The following USP12 variants were observed in gnomAD, a reference collection of about 807,000 sequenced individuals.
USP12 encodes ubiquitin carboxyl-terminal hydrolase 12.
Under a neutral mutation model 45.5 loss-of-function variants are expected in USP12, and 19 were observed. The ratio of observed to expected loss-of-function variants is 0.42; its 90% CI spans 0.29 to 0.61. The LOEUF (loss-of-function observed/expected upper bound fraction) is 0.61. Among genes scored for constraint, USP12 ranks in the 20% least tolerant of loss-of-function variants. The probability of loss-of-function intolerance (pLI) is 0.22; values close to 1 mark genes in which losing one functional copy is unlikely to be tolerated. For synonymous variants in USP12, 149 were observed against 148.8 expected (o/e 1.00, Z -0.01); for missense variants, 242 against 447.7 (o/e 0.54, Z 4.15).
At chr13:27,095,060 T>C (rs1429401591) in intron 4 of USP12, among the ~76,000 whole-genome samples, 1 of 152,074 alleles carries the variant, frequency 6.6e-6, no homozygotes, top group Non-Finnish European at 1.5e-5. Flanking sequence ...GAGGCTTAGA[T>C]GGAAGGATTG....
intron 6 of USP12, among the ~76,000 whole-genome samples, chr13:27,086,682 G>A (rs552495064): frequency 6.6e-6 from 1 of 151,998 alleles, no homozygotes; most frequent in Non-Finnish European, 1.5e-5. Flanking sequence ...GGTGGCTTTT[G>A]CTCACAGATG....
At chr13:27,077,650 G>C (rs1400395749) in intron 6 of USP12, 2 of 152,074 alleles carry the variant, frequency 1.3e-5, no homozygotes, top group Non-Finnish European at 2.9e-5. Context: ...AAGATGATGA[G>C]AGACTAGCTT....
In USP12 at chr13:27,171,664, A is replaced by G. The variant is rs752169848; in HGVS notation, c.-25T>C. 8.1e-7 allele frequency: 1 copy of G among 1,236,774 alleles called. No homozygotes were observed. The highest frequency in any genetic ancestry group is 1.1e-6 in the Non-Finnish European group (1 of 951,682). The allele number at this position is 1,236,774 out of a possible 1,614,324, so 76.6% of individuals were successfully genotyped here. A position where few individuals can be genotyped will look rare whatever the true frequency, so the allele number is the denominator to read the frequency against. ...TCCGGCCAGCGCCATCTTCCACCCAATCACAGCGGCGGCGGCGGGCGGGGG... is the reference window on the plus strand; with the variant it reads ...TCCGGCCAGCGCCATCTTCCACCCAGTCACAGCGGCGGCGGCGGGCGGGGG... On this transcript the variant is annotated 5_prime_UTR_variant, in exon 1 of 9. Transcript: ENST00000282344.
At position 27,129,963 on chromosome 13, in the gene USP12, A is replaced by G. The variant is rs1383589767; in HGVS notation, c.49-13367T>C. ...GTTAGTCCTTCCACCAAAACCATTA[A>G]GCTGAAAAATACATCAGAATCAACT... On this transcript the variant is annotated intron_variant, in intron 1 of 8. Coordinates refer to ENST00000282344, the MANE Select transcript of USP12 (RefSeq NM_182488.4). The surrounding 1 kb of genome is among the most constrained non-coding windows in gnomAD (Gnocchi z 4.0). Among the ~76,000 whole-genome samples, 1 of 152,210 alleles carries G rather than the reference A, an allele frequency of 6.6e-6. No homozygotes were observed. Among genetic ancestry groups the G allele is most frequent in the Non-Finnish European group, 1.5e-5 (1 of 68,048 alleles).
chr13:27,078,887 G>A (rs1046955830), intron 6 of USP12, among the ~76,000 whole-genome samples: 6 of 151,862 alleles, frequency 4.0e-5, no homozygotes, highest in African/African-American at 1.5e-4. Flanking sequence ...ACCTCAAACT[G>A]CACTATACAC....
chr13:27,101,578 G>A (rs185221875), intron 3 of USP12, among the ~76,000 whole-genome samples: 18 of 152,266 alleles, frequency 1.2e-4, no homozygotes, highest in Admixed American at 2.6e-4. Flanking sequence ...TCTAGTGGGA[G>A]AGACAGACAA....
At position 27,105,995 on chromosome 13, in the gene USP12, A is replaced by C. The variant is rs1593186781; in HGVS notation, c.130-51T>G. 1.1e-5 allele frequency: 16 copies of C among 1,487,006 alleles called. No individual in the cohort carries two copies. The East Asian group carries it at 3.8e-4, about 36-fold the overall frequency. The allele number at this position is 1,487,006 out of a possible 1,614,324, so 92.1% of individuals were successfully genotyped here. A position where few individuals can be genotyped will look rare whatever the true frequency, so the allele number is the denominator to read the frequency against. ...TTAAATTTAGGGCAACACATTTTCA[A>C]GAGAGAAATTCCCGGTATATGGTTG... On this transcript the variant is annotated intron_variant, in intron 2 of 8. Transcript: ENST00000282344.
At chr13:27,120,594 C>A (rs993554741) in intron 1 of USP12, among the ~76,000 whole-genome samples, 1 of 147,826 alleles carries the variant, frequency 6.8e-6, no homozygotes, top group Non-Finnish European at 1.5e-5. Flanking sequence ...TGCACTCCAG[C>A]CTAGGCAACA....
At chr13:27,107,991 T>G (rs1490348973) in intron 2 of USP12, among the ~76,000 whole-genome samples, 81 of 150,378 alleles carry the variant, frequency 5.4e-4, no homozygotes, top group African/African-American at 2.0e-3. Context: ...CTCAGGGATC[T>G]AGAACTAGAA....
chr13:27,108,723 AAGGC>A (rs1171663862), intron 2 of USP12, among the ~76,000 whole-genome samples: 2 of 152,132 alleles, frequency 1.3e-5, no homozygotes, highest in African/African-American at 4.8e-5. Flanking sequence ...TTGGGAGGCC[AAGGC>A]AGGTGGATCA....
chr13:27,165,497 G>A (rs1424470237), intron 1 of USP12, among the ~76,000 whole-genome samples: 1 of 152,132 alleles, frequency 6.6e-6, no homozygotes, highest in Non-Finnish European at 1.5e-5. Flanking sequence ...AGCAAATCAT[G>A]TTAAAGGGCA....
chr13:27,170,765 G>GT (rs1310375544), intron 1 of USP12, among the ~76,000 whole-genome samples: 1 of 152,238 alleles, frequency 6.6e-6, no homozygotes, highest in African/African-American at 2.4e-5. Flanking sequence ...ACATACAGAT[G>GT]TGTCTGGTGG....
chr13:27,128,510 G>A (rs1038077552), intron 1 of USP12, among the ~76,000 whole-genome samples: 15 of 152,048 alleles, frequency 9.9e-5, no homozygotes, highest in East Asian at 5.8e-4. Context: ...TCTGAACTCC[G>A]TAACTGGCAC....
chr13:27,089,700 T>C (rs1874227306), intron 6 of USP12, 183 bp downstream of exon 6: 1 of 583,312 alleles, frequency 1.7e-6, no homozygotes, highest in East Asian at 2.9e-5. Flanking sequence ...ACACAGTTTT[T>C]GTAAAATAAA....
chr13:27,094,743 C>CA (rs372387717), intron 4 of USP12, among the ~76,000 whole-genome samples: 11,290 of 140,692 alleles, frequency 0.08, 869 homozygotes, highest in African/African-American at 0.21. Context: ...GGCATATTCT[C>CA]AAAAAAAAAA....
At chr13:27,084,557 A>AT (rs1317681446) in intron 6 of USP12, among the ~76,000 whole-genome samples, 8 of 151,336 alleles carry the variant, frequency 5.3e-5, no homozygotes, top group African/African-American at 1.9e-4. Context: ...TTTTGAGCTA[A>AT]TTTTTTGTAG....
chr13:27,069,291 G>A lies in USP12; in HGVS notation c.1105C>T (p.Arg369Trp), dbSNP rs771307303. ...TTCATCACGGTTCCCTCTCAGTCCC[G>A]AGACTGATAGAAAAGGATGTAACCA... is the stretch of plus-strand genomic sequence containing the variant. ...ESGYILFYQS[R>W]D The change falls in exon 9 of 9, where the codon CGG becomes TGG. Residue 369 changes from arginine (R) to tryptophan (W), a missense_variant. Physicochemically the swap from Arg to Trp is moderately radical, Grantham distance 101. Transcript: ENST00000282344. The A allele has an allele frequency of 1.3e-5, 21 of 1,611,084 alleles. No homozygotes were observed. Among genetic ancestry groups the A allele is most frequent in the South Asian group, 8.8e-5 (8 of 90,972 alleles).
intron 6 of USP12, among the ~76,000 whole-genome samples, chr13:27,078,298 G>A (rs1873586054): frequency 6.6e-6 from 1 of 151,988 alleles, no homozygotes; most frequent in African/African-American, 2.4e-5. Flanking sequence ...CATTTACATT[G>A]TATTAGGTAC....
intron 4 of USP12, among the ~76,000 whole-genome samples, chr13:27,092,146 A>G (rs1268084076): frequency 6.6e-6 from 1 of 152,224 alleles, no homozygotes; most frequent in East Asian, 1.9e-4. Flanking sequence ...ATACTTAAAT[A>G]TAAATCTAAC....
Sources: allele counts gnomAD v4.1 joint callset (sites outside exome capture counted in the v4.1 genomes callset), GRCh38; gene constraint gnomAD v4.1.1; non-coding constraint Gnocchi (gnomAD v3.1); transcripts MANE v1.5; gene names NCBI Gene and HGNC (gene_info 2026-07-23, HGNC 2026-07-21).